MMP8: variants seen among roughly 807,000 people sequenced by gnomAD.
MMP8 encodes matrix metallopeptidase 8, also known as neutrophil collagenase.
Under a neutral mutation model 51.2 loss-of-function variants are expected in MMP8, and 67 were observed. The observed-to-expected ratio is 1.31, with a 90% CI of 1.08 to 1.60. The LOEUF (loss-of-function observed/expected upper bound fraction) is 1.60, where lower values mean the gene tolerates loss of function less well. Ranked by LOEUF, MMP8 falls within the 40% of genes most tolerant of loss-of-function variation. The probability of loss-of-function intolerance (pLI) is 0.00; values close to 1 mark genes in which losing one functional copy is unlikely to be tolerated. For synonymous variants in MMP8, 225 were observed against 191.0 expected (o/e 1.18, Z -1.47); for missense variants, 654 against 558.1 (o/e 1.17, Z -1.73).
At chr11:102,721,859 G>C (rs17099443) in intron 2 of MMP8, 97 bp from the exon 3 acceptor site, 558,516 of 1,392,284 alleles carry the variant, frequency 0.4, 114,709 homozygotes, top group Middle Eastern at 0.48. Flanking sequence ...TTGCATCATG[G>C]TGTGCTACCA....
intron 1 of MMP8, chr11:102,722,963 T>C (rs761802508): frequency 4.0e-5 from 52 of 1,312,320 alleles, no homozygotes; most frequent in Non-Finnish European, 4.9e-5. Flanking sequence ...GACTGTCTTC[T>C]TGTTTTTACA....
intron 5 of MMP8, among the ~76,000 whole-genome samples, chr11:102,716,786 A>G (rs1036083114): frequency 6.6e-6 from 1 of 152,106 alleles, no homozygotes; most frequent in Non-Finnish European, 1.5e-5. Flanking sequence ...ACCAAAATCC[A>G]CTTTCAGGAA....
intron 8 of MMP8, among the ~76,000 whole-genome samples, chr11:102,714,293 T>A (rs974305723): frequency 1.3e-5 from 2 of 152,230 alleles, no homozygotes; most frequent in African/African-American, 4.8e-5. Context: ...TTTCTTTGTA[T>A]CTCACCCTAG....
intron 1 of MMP8, chr11:102,723,481 A>G: frequency 2.2e-6 from 1 of 455,082 alleles, no homozygotes. Flanking sequence ...TTCTCTCACA[A>G]TTCTGGAGGC....
rs768614761 is a variant in MMP8, at chr11:102,721,591, G to A, written c.496+23C>T. 6.2e-6 allele frequency: 10 copies of A among 1,613,470 alleles called. No homozygotes were observed. In the East Asian group the frequency reaches 2.0e-4, roughly 32 times the overall value. On this transcript the variant is annotated intron_variant, in intron 3 of 9. Transcript: ENST00000236826. ...CAGGTTAGCCAAAGAAAGCAAAACTGAGCATGACTGCTTTGTACCTACCTC... is the reference window on the plus strand; with the variant it reads ...CAGGTTAGCCAAAGAAAGCAAAACTAAGCATGACTGCTTTGTACCTACCTC...
rs1471467336 is a variant in MMP8 at position 102,718,569 on chromosome 11, T to C, written c.629A>G (p.Asn210Ser). 10 of 1,613,672 alleles carry C rather than the reference T, an allele frequency of 6.2e-6. No individual in the cohort carries two copies. The highest frequency in any genetic ancestry group is 7.6e-6 in the Non-Finnish European group (9 of 1,179,840). Residue 210 changes from asparagine (N) to serine (S), a missense_variant, in exon 5 of 10, where the codon AAC becomes AGC. Physicochemically the swap from Asn to Ser is conservative, Grantham distance 46. Coordinates refer to ENST00000236826, the MANE Select transcript of MMP8 (RefSeq NM_002424.3). ...TTCATGAGCAGCAACAAGAAACAAG[T>C]TGTAATCTGAAATGCAAACACGGGT... ...ETWTNTSANY[N>S]LFLVAAHEFG...
chr11:102,721,765 T>C lies in MMP8; in HGVS notation c.348-3A>G, dbSNP rs1474647967. On this transcript the variant is annotated splice_polypyrimidine_tract_variant and splice_region_variant and intron_variant, in intron 2 of 9. Coordinates refer to ENST00000236826, the MANE Select transcript of MMP8 (RefSeq NM_002424.3). ...GCTGTGGGGTATAGTTTCGAATCCT[T>C]CAAAATGAGAGGATGTATGAAGAGT... 1.2e-6 allele frequency: 2 copies of C among 1,613,208 alleles called. No homozygotes were observed. The highest frequency in any genetic ancestry group is 2.7e-5 in the African/African-American group (2 of 74,868).
chr11:102,722,711 A>G (rs1325160166), intron 1 of MMP8, 38 bp from the exon 2 acceptor site: 1 of 1,606,368 alleles, frequency 6.2e-7, no homozygotes, highest in South Asian at 1.1e-5. Context: ...TTGCTGTGAA[A>G]GGACCTCCAG....
chr11:102,718,211 C>T (rs538146873), intron 5 of MMP8, among the ~76,000 whole-genome samples: 1 of 152,208 alleles, frequency 6.6e-6, no homozygotes, highest in African/African-American at 2.4e-5. Flanking sequence ...TAGTGCATTT[C>T]TTCTTAAACT....
Position 102,715,358 on chromosome 11 carries a change from C to A in MMP8, c.982G>T (p.Gly328Cys), listed in dbSNP as rs775469638. The A allele has an allele frequency of 9.3e-6, 15 of 1,613,332 alleles. No individual in the cohort carries two copies. The highest frequency in any genetic ancestry group is 1.3e-5 in the African/African-American group (1 of 74,830). Reference protein sequence around the residue: ...ISLFWPSLPTGIQAAYEDFDR... With the variant: ...ISLFWPSLPTCIQAAYEDFDR... Reference sequence around the variant, plus strand: ...AAATCTTCATAAGCAGCCTGTATACCAGTTGGAAGGGATGGCCAGAATAGA... The same window carrying A: ...AAATCTTCATAAGCAGCCTGTATACAAGTTGGAAGGGATGGCCAGAATAGA... Residue 328 changes from glycine (G) to cysteine (C), a missense_variant, in exon 7 of 10, where the codon GGT (glycine) becomes TGT (cysteine). Physicochemically the swap from Gly to Cys is radical, Grantham distance 159. Transcript: ENST00000236826.
At position 102,713,804 on chromosome 11, in the gene MMP8, C is replaced by G; in HGVS notation, c.1244G>C (p.Gly415Ala). The G allele has an allele frequency of 6.2e-7, 1 of 1,612,476 alleles. No individual in the cohort carries two copies. The stretch of plus-strand genomic sequence containing the variant: ...TTTACTCTCTATTCCTGGAAAGGCA[C>G]CTGATATGCTTTTGGGATAACCTGG... ...MEPGYPKSIS[G>A]AFPGIESKVD... is the part of the protein sequence containing the mutation. Residue 415 changes from glycine (G) to alanine (A), a missense_variant, in exon 9 of 10, where the codon GGT becomes GCT. By Grantham distance (60) the Gly-to-Ala change is moderately conservative (BLOSUM62 0). Transcript: ENST00000236826.
chr11:102,716,423 GA>G lies in MMP8; in HGVS notation c.785-5del, dbSNP rs751481811. On this transcript the variant is annotated splice_region_variant and splice_polypyrimidine_tract_variant and intron_variant, in intron 5 of 9. Coordinates refer to ENST00000236826, the MANE Select transcript of MMP8 (RefSeq NM_002424.3). The stretch of plus-strand genomic sequence containing the variant: ...TGGATAGGGTTGCTTGAAAGTCCTG[GA>G]AAAAAAAAAAAAAAAAAAAAAAAGG... The G allele has an allele frequency of 0.11, 42,705 of 390,444 alleles. 40 individuals are homozygous for G. The highest frequency in any genetic ancestry group is 0.15 in the Middle Eastern group (186 of 1,230). The allele number at this position is 390,444 out of a possible 1,614,324, so 24.2% of individuals were successfully genotyped here.
chr11:102,720,192 T>C (rs541053286), intron 4 of MMP8, among the ~76,000 whole-genome samples: 65 of 152,328 alleles, frequency 4.3e-4, no homozygotes, highest in Non-Finnish European at 8.5e-4. Flanking sequence ...TGGAAGTATT[T>C]GGACCTTATT....
intron 5 of MMP8, 123 bp downstream of exon 5, chr11:102,718,291 G>A: frequency 9.7e-7 from 1 of 1,032,060 alleles, no homozygotes; most frequent in Non-Finnish European, 1.4e-6. Context: ...TATTACTGGG[G>A]AAATTCAGAG....
chr11:102,718,079 C>T (rs1023184242), intron 5 of MMP8, among the ~76,000 whole-genome samples: 1 of 150,642 alleles, frequency 6.6e-6, no homozygotes, highest in African/African-American at 2.4e-5. Flanking sequence ...TGCACTCCAG[C>T]CTGGGCAACA....
intron 6 of MMP8, 51 bp downstream of exon 6, chr11:102,716,251 T>C: frequency 2.4e-6 from 3 of 1,275,652 alleles, no homozygotes; most frequent in Non-Finnish European, 3.4e-6. Flanking sequence ...AATCCAGTTT[T>C]AAGGTATGTC....
Position 102,714,562 on chromosome 11 carries a change from A to C in MMP8, c.1184T>G (p.Phe395Cys). Residue 395 changes from phenylalanine (F) to cysteine (C), a missense_variant, in exon 8 of 10, where the codon TTC (phenylalanine) becomes TGC (cysteine). Phe to Cys is a radical substitution (Grantham distance 205). Transcript: ENST00000236826. The stretch of plus-strand genomic sequence containing the variant: ...AAAAAATAGTTTACGTTACCTCCAG[A>C]ATTGGTCATTTACAAAGAAGTATGT... ...SKTYFFVNDQ[F>C]WRYDNQRQFM... 6.8e-7 allele frequency: 1 copy of C among 1,467,712 alleles called. No individual in the cohort carries two copies. Among genetic ancestry groups the C allele is most frequent in the East Asian group, 2.7e-5 (1 of 37,406 alleles). The allele number at this position is 1,467,712 out of a possible 1,614,324, so 90.9% of individuals were successfully genotyped here. A position where few individuals can be genotyped will look rare whatever the true frequency, so the allele number is the denominator to read the frequency against.
At position 102,722,552 on chromosome 11, in the gene MMP8, G is replaced by A. The variant is rs779074177; in HGVS notation, c.224C>T (p.Thr75Met). 5.0e-6 allele frequency: 8 copies of A among 1,613,782 alleles called. No homozygotes were observed. Among genetic ancestry groups the A allele is most frequent in the African/African-American group, 2.7e-5 (2 of 74,892 alleles). The change falls in exon 2 of 10, where the codon ACG becomes ATG. Residue 75 changes from threonine (T) to methionine (M), a missense_variant. Thr to Met is a moderately conservative substitution (Grantham distance 81, BLOSUM62 -1). Coordinates refer to ENST00000236826, the MANE Select transcript of MMP8 (RefSeq NM_002424.3). ...EMQRFFGLNV[T>M]GKPNEETLDM... ...CAGAGTTTCCTCATTTGGCTTCCCCGTCACATTCAACCCAAAAAATCGCTG... is the reference window on the plus strand; with the variant it reads ...CAGAGTTTCCTCATTTGGCTTCCCCATCACATTCAACCCAAAAAATCGCTG...
Position 102,712,836 on chromosome 11 carries a change from T to G in MMP8, c.*512A>C, listed in dbSNP as rs918529293. 1.3e-5 allele frequency: 2 copies of G among 152,506 alleles called. No individual in the cohort carries two copies. The highest frequency in any genetic ancestry group is 1.3e-4 in the Admixed American group (2 of 15,296). The allele number at this position is 152,506 out of a possible 1,614,324, so 9.4% of individuals were successfully genotyped here. A position where few individuals can be genotyped will look rare whatever the true frequency, so the allele number is the denominator to read the frequency against. ...AACATATCTTTTATGGGGGACACAA[T>G]TCAACCCACGAAACATATCATCTAC... On this transcript the variant is annotated 3_prime_UTR_variant, in exon 10 of 10. Coordinates refer to ENST00000236826, the MANE Select transcript of MMP8 (RefSeq NM_002424.3).
Sources: allele counts gnomAD v4.1 joint callset (sites outside exome capture counted in the v4.1 genomes callset), GRCh38; gene constraint gnomAD v4.1.1; transcripts MANE v1.5; gene names NCBI Gene and HGNC (gene_info 2026-07-23, HGNC 2026-07-21).